Variants in ATP8A2 observed in about 807,000 individuals in gnomAD.
The protein encoded by ATP8A2 is ATPase phospholipid transporting 8A2, also known as phospholipid-transporting ATPase IB.
Under a neutral mutation model 165.6 loss-of-function variants are expected in ATP8A2, and 100 were observed. The ratio of observed to expected loss-of-function variants is 0.60; its 90% confidence interval spans 0.51 to 0.71. The LOEUF is 0.71. Among genes scored for constraint, ATP8A2 ranks in the 30% least tolerant of loss-of-function variants. The probability of loss-of-function intolerance (pLI) is 0.00; values close to 1 mark genes in which losing one functional copy is unlikely to be tolerated. For synonymous variants in ATP8A2, 543 were observed against 548.8 expected (o/e 0.99, Z 0.15); for missense variants, 1,227 against 1,479.5 (o/e 0.83, Z 2.80).
chr13:25,988,244 C>T (rs538038476), intron 35 of ATP8A2, among the ~76,000 whole-genome samples: 81 of 152,306 alleles, frequency 5.3e-4, no homozygotes, highest in African/African-American at 1.9e-3. Context: ...TGCAGCATCA[C>T]GTGGCTCAGA....
chr13:25,611,868 G>T (rs1205248893), intron 24 of ATP8A2, among the ~76,000 whole-genome samples: 1 of 152,040 alleles, frequency 6.6e-6, no homozygotes, highest in East Asian at 1.9e-4. Context: ...ATCTAGGAGG[G>T]TTGTATTTTT....
intron 2 of ATP8A2, among the ~76,000 whole-genome samples, chr13:25,471,451 A>G (rs1428529329): frequency 6.7e-6 from 1 of 149,484 alleles, no homozygotes. Context: ...CCTGGGTTCA[A>G]GTGATTCTCC....
chr13:25,565,463 A>G (rs548593118), intron 16 of ATP8A2, among the ~76,000 whole-genome samples: 1 of 152,252 alleles, frequency 6.6e-6, no homozygotes, highest in East Asian at 1.9e-4. Context: ...TTTGATTCAC[A>G]TTTCCTTGAT....
chr13:25,867,999 C>G (rs762337472), intron 33 of ATP8A2: 1 of 376,298 alleles, frequency 2.7e-6, no homozygotes, highest in African/African-American at 2.1e-5. Context: ...CTGTATGAAG[C>G]CAGCCTCGAA....
At chr13:25,466,720 A>G (rs1180631443) in intron 1 of ATP8A2, among the ~76,000 whole-genome samples, 2 of 152,204 alleles carry the variant, frequency 1.3e-5, no homozygotes, top group Admixed American at 1.3e-4. Context: ...TGGAAGCTGC[A>G]TTGGTAATAC....
rs780802338 is a variant in ATP8A2 at position 25,441,373 on chromosome 13, G to T, written c.77-27604G>T. Among the ~76,000 whole-genome samples the T allele has an allele frequency of 6.6e-5, 10 of 152,272 alleles. No homozygotes were observed. In the South Asian group the frequency reaches 1.9e-3, roughly 28 times the overall value. On this transcript the variant is annotated intron_variant, in intron 1 of 36. Coordinates refer to ENST00000381655, the MANE Select transcript of ATP8A2 (RefSeq NM_016529.6). ...TTGCTTTTGGCAATTGAATGCTTTT[G>T]TCCCAACCTTACCATTGGAACAACA...
chr13:25,399,446 T>C (rs2033549456), intron 1 of ATP8A2, among the ~76,000 whole-genome samples: 1 of 114,250 alleles, frequency 8.8e-6, no homozygotes, highest in Non-Finnish European at 1.7e-5. Flanking sequence ...TCGCCCAGGC[T>C]GGAGTGCAGT....
intron 2 of ATP8A2, among the ~76,000 whole-genome samples, chr13:25,490,879 A>G (rs1185152629): frequency 6.6e-6 from 1 of 151,826 alleles, no homozygotes; most frequent in African/African-American, 2.4e-5. Context: ...GTAGCTGGGA[A>G]TATAGGCACA....
At chr13:25,891,082 C>CT (rs772499682) in intron 33 of ATP8A2, among the ~76,000 whole-genome samples, 1 of 152,170 alleles carries the variant, frequency 6.6e-6, no homozygotes, top group Non-Finnish European at 1.5e-5. Context: ...CCTGAGTTGA[C>CT]TGAGTGAAGC....
At chr13:25,640,968 G>A (rs1199305142) in intron 24 of ATP8A2, among the ~76,000 whole-genome samples, 1 of 152,122 alleles carries the variant, frequency 6.6e-6, no homozygotes, top group Non-Finnish European at 1.5e-5. Flanking sequence ...ATCAATAAAT[G>A]TAATCCAGCA....
At chr13:25,696,743 T>C (rs367729619) in intron 24 of ATP8A2, among the ~76,000 whole-genome samples, 2 of 152,266 alleles carry the variant, frequency 1.3e-5, no homozygotes, top group East Asian at 3.8e-4. Flanking sequence ...ACTTTCTCCA[T>C]ACCAGCAATA....
chr13:25,615,577 C>T (rs551511442), intron 24 of ATP8A2, among the ~76,000 whole-genome samples: 4 of 152,288 alleles, frequency 2.6e-5, no homozygotes, highest in African/African-American at 7.2e-5. Flanking sequence ...CAGGAAACTT[C>T]GGGTTCACTT....
intron 25 of ATP8A2, among the ~76,000 whole-genome samples, chr13:25,724,643 G>A (rs1295267615): frequency 2.0e-5 from 3 of 152,130 alleles, no homozygotes; most frequent in Non-Finnish European, 4.4e-5. Context: ...ACTTCTTTGG[G>A]CTCCACAGCA....
chr13:26,013,190 T>A (rs1483454406), intron 36 of ATP8A2, among the ~76,000 whole-genome samples: 6 of 151,776 alleles, frequency 4.0e-5, no homozygotes, highest in African/African-American at 1.5e-4. Flanking sequence ...AGTCATCAGA[T>A]CCCAGCTGAG....
chr13:25,777,326 G>T (rs970975746), intron 27 of ATP8A2, among the ~76,000 whole-genome samples: 3 of 151,928 alleles, frequency 2.0e-5, no homozygotes, highest in Non-Finnish European at 2.9e-5. Flanking sequence ...TACTTCTTTC[G>T]CATCAACATG....
Position 25,800,790 on chromosome 13 carries a change from T to G in ATP8A2, c.2679+25831T>G, listed in dbSNP as rs1041202905. Among the ~76,000 whole-genome samples the G allele has an allele frequency of 4.6e-5, 7 of 151,062 alleles. No individual in the cohort carries two copies. In the East Asian group the frequency reaches 5.8e-4, roughly 13 times the overall value. On this transcript the variant is annotated intron_variant, in intron 27 of 36. Coordinates refer to ENST00000381655, the MANE Select transcript of ATP8A2 (RefSeq NM_016529.6). ...TGGAAAACCTAACCCTCATAAAAAGTCTCAGTAAGCAACAGTGAGAATAAC... is the reference window on the plus strand; with the variant it reads ...TGGAAAACCTAACCCTCATAAAAAGGCTCAGTAAGCAACAGTGAGAATAAC...
chr13:25,768,400 C>G (rs1372970549), intron 25 of ATP8A2, among the ~76,000 whole-genome samples: 1 of 152,078 alleles, frequency 6.6e-6, no homozygotes, highest in Admixed American at 6.6e-5. Context: ...CTTCTTGCCC[C>G]CTTTAGGGCT....
At chr13:25,658,202 T>C (rs1219894031) in intron 24 of ATP8A2, among the ~76,000 whole-genome samples, 1 of 152,212 alleles carries the variant, frequency 6.6e-6, no homozygotes, top group Non-Finnish European at 1.5e-5. Flanking sequence ...ATTATCTAAG[T>C]TGTATTACTT....
At chr13:25,631,910 AC>A (rs2041250114) in intron 24 of ATP8A2, among the ~76,000 whole-genome samples, 1 of 152,170 alleles carries the variant, frequency 6.6e-6, no homozygotes, top group Admixed American at 6.5e-5. Flanking sequence ...AGCAGCAAAC[AC>A]CAACTGGGTG....
Sources: gnomAD v4.1 joint callset for allele counts (sites outside exome capture counted in the v4.1 genomes callset) on GRCh38, gnomAD v4.1.1 for gene constraint, MANE v1.5 for transcripts, NCBI Gene and HGNC (gene_info 2026-07-23, HGNC 2026-07-21) for gene names.